COMMD1: variants seen among roughly 807,000 people sequenced by gnomAD.
COMMD1 encodes COMM domain-containing protein 1.
A neutral mutation model predicts 17.2 loss-of-function variants in COMMD1; 10 were observed. The observed-to-expected ratio is 0.58, with a 90% CI of 0.36 to 0.99. The LOEUF (loss-of-function observed/expected upper bound fraction) is 0.99. Among genes scored for constraint, COMMD1 ranks in the 50% least tolerant of loss-of-function variants. The pLI is 0.01. For synonymous variants in COMMD1, 97 were observed against 91.6 expected (o/e 1.06, Z -0.34); for missense variants, 270 against 231.8 (o/e 1.17, Z -1.07).
At chr2:61,995,402 T>C (rs1482038762) in intron 1 of COMMD1, among the ~76,000 whole-genome samples, 3 of 152,248 alleles carry the variant, frequency 2.0e-5, no homozygotes, top group Non-Finnish European at 4.4e-5. Context: ...AGTTTTTCTA[T>C]TCACTGTTAA....
At chr2:61,908,405 T>C (rs573950155) in intron 1 of COMMD1, among the ~76,000 whole-genome samples, 1 of 151,806 alleles carries the variant, frequency 6.6e-6, no homozygotes, top group East Asian at 1.9e-4. Context: ...TTTTGTAATT[T>C]TTGGAGAGAT....
At chr2:61,949,380 A>C (rs1447396800) in intron 1 of COMMD1, among the ~76,000 whole-genome samples, 1 of 152,188 alleles carries the variant, frequency 6.6e-6, no homozygotes, top group Non-Finnish European at 1.5e-5. Flanking sequence ...ACTGGGAAGA[A>C]GAGTTCCAGC....
intron 2 of COMMD1, among the ~76,000 whole-genome samples, chr2:62,112,616 G>A (rs189444972): frequency 2.0e-5 from 3 of 152,244 alleles, no homozygotes; most frequent in Non-Finnish European, 4.4e-5. Flanking sequence ...CTGACACAAT[G>A]TTGGGTGCTT....
chr2:61,979,596 G>A lies in COMMD1; in HGVS notation c.181-21105G>A, dbSNP rs372732550. Reference sequence around the variant, plus strand: ...TATCTGCACTCCCATGTGAGCCACCGCGCCCGGCCTATTTTTAGTTTTTTG... The same window carrying A: ...TATCTGCACTCCCATGTGAGCCACCACGCCCGGCCTATTTTTAGTTTTTTG... On this transcript the variant is annotated intron_variant, in intron 1 of 2. Transcript: ENST00000311832. 5.3e-4 allele frequency among the ~76,000 whole-genome samples: 81 copies of A among 152,168 alleles called. No individual in the cohort carries two copies. In the South Asian group the frequency reaches 0.014, roughly 27 times the overall value.
At chr2:61,924,337 G>A (rs1670270469) in intron 1 of COMMD1, among the ~76,000 whole-genome samples, 1 of 150,558 alleles carries the variant, frequency 6.6e-6, no homozygotes, top group Non-Finnish European at 1.5e-5. Context: ...TTGGGCTTGA[G>A]AACGAGTAAG....
chr2:62,090,616 G>A (rs1346905180), intron 2 of COMMD1: 2 of 152,184 alleles, frequency 1.3e-5, no homozygotes, highest in Non-Finnish European at 2.9e-5. Flanking sequence ...GAAGAGAAAA[G>A]GAAGTTTTGT....
intron 1 of COMMD1, among the ~76,000 whole-genome samples, chr2:61,923,796 G>A (rs774690736): frequency 6.6e-6 from 1 of 152,046 alleles, no homozygotes; most frequent in Non-Finnish European, 1.5e-5. Context: ...TTGTTTTGAG[G>A]CAAGGTCTGG....
intron 1 of COMMD1, among the ~76,000 whole-genome samples, chr2:61,966,032 A>G (rs1247953760): frequency 5.9e-5 from 9 of 152,188 alleles, no homozygotes; most frequent in Non-Finnish European, 1.0e-4. Flanking sequence ...GTCATTTTCT[A>G]TACATCAGAG....
At chr2:62,057,391 G>A (rs1670736583) in intron 2 of COMMD1, among the ~76,000 whole-genome samples, 1 of 151,748 alleles carries the variant, frequency 6.6e-6, no homozygotes, top group South Asian at 2.1e-4. Context: ...TGCATTCCTG[G>A]GATAAACCCT....
At chr2:62,117,058 A>G (rs1168372606) in intron 2 of COMMD1, among the ~76,000 whole-genome samples, 2 of 151,676 alleles carry the variant, frequency 1.3e-5, no homozygotes, top group African/African-American at 4.8e-5. Flanking sequence ...GCTGATGGTA[A>G]TAAGTAGCTA....
chr2:61,998,487 G>A (rs7582106), intron 1 of COMMD1, among the ~76,000 whole-genome samples: 5 of 151,816 alleles, frequency 3.3e-5, no homozygotes, highest in African/African-American at 7.3e-5. Context: ...CTCGAACTCC[G>A]GACCTCAAGT....
At chr2:62,102,616 A>G (rs1672217489) in intron 2 of COMMD1, among the ~76,000 whole-genome samples, 1 of 152,092 alleles carries the variant, frequency 6.6e-6, no homozygotes, top group South Asian at 2.1e-4. Flanking sequence ...TCTCAGTCTC[A>G]TTCTCCCCTA....
intron 2 of COMMD1, among the ~76,000 whole-genome samples, chr2:62,015,717 T>C (rs1669424094): frequency 1.3e-5 from 2 of 151,552 alleles, no homozygotes; most frequent in Non-Finnish European, 2.9e-5. Flanking sequence ...TTTCTTTTTT[T>C]TTTTTGATAG....
At chr2:62,078,566 AAAG>A (rs1461107682) in intron 2 of COMMD1, among the ~76,000 whole-genome samples, 2 of 143,732 alleles carry the variant, frequency 1.4e-5, no homozygotes, top group African/African-American at 2.6e-5. Flanking sequence ...AAAAAAAAAA[AAAG>A]AAAAGAAAAA....
intron 2 of COMMD1, among the ~76,000 whole-genome samples, chr2:62,106,719 A>T (rs1021442787): frequency 6.6e-6 from 1 of 152,192 alleles, no homozygotes; most frequent in Non-Finnish European, 1.5e-5. Flanking sequence ...GGTCGCATAG[A>T]ATTTGAGTTA....
chr2:62,003,640 A>ACACC (rs1404942594), intron 2 of COMMD1, among the ~76,000 whole-genome samples: 54 of 148,566 alleles, frequency 3.6e-4, no homozygotes, highest in Non-Finnish European at 5.5e-4. Context: ...ACACACACAC[A>ACACC]CCCAACAGAT....
At chr2:62,053,369 T>C (rs1328843365) in intron 2 of COMMD1, among the ~76,000 whole-genome samples, 1 of 152,074 alleles carries the variant, frequency 6.6e-6, no homozygotes, top group Admixed American at 6.6e-5. Flanking sequence ...TTTTTATTAA[T>C]AGGGTTTTGT....
intron 1 of COMMD1, among the ~76,000 whole-genome samples, chr2:61,889,136 C>T (rs561237287): frequency 6.7e-6 from 1 of 148,444 alleles, no homozygotes; most frequent in East Asian, 2.0e-4. Context: ...CTCCCGACCT[C>T]AGGTGATCCA....
chr2:61,931,442 G>C (rs116129645), intron 1 of COMMD1, among the ~76,000 whole-genome samples: 4,887 of 152,336 alleles, frequency 0.032, 98 homozygotes, highest in Non-Finnish European at 0.046. Flanking sequence ...TAGCGTTGCT[G>C]CTGCTTTTTG....
Sources: allele counts gnomAD v4.1 joint callset (sites outside exome capture counted in the v4.1 genomes callset), GRCh38; gene constraint gnomAD v4.1.1; transcripts MANE v1.5; gene names NCBI Gene and HGNC (gene_info 2026-07-23, HGNC 2026-07-21).